Variants in USH1C observed in about 807,000 individuals in gnomAD.
USH1C encodes harmonin.
USH1C carries 90 observed loss-of-function variants against 119.3 expected under a neutral mutation model. The observed-to-expected ratio is 0.75, with a 90% CI of 0.64 to 0.90. The LOEUF is 0.90. Among genes scored for constraint, USH1C ranks in the 40% least tolerant of loss-of-function variants. The probability of loss-of-function intolerance (pLI) is 0.00; values close to 1 mark genes in which losing one functional copy is unlikely to be tolerated. For synonymous variants in USH1C, 465 were observed against 443.3 expected (o/e 1.05, Z -0.62); for missense variants, 1,165 against 1,167.7 (o/e 1.00, Z 0.03).
intron 16 of USH1C, 31 bp downstream of exon 16, chr11:17,511,871 T>C (rs1325289449): frequency 1.2e-6 from 2 of 1,602,352 alleles, no homozygotes. Flanking sequence ...GTCCCAGGGT[T>C]GCTTGCCTGG....
chr11:17,528,581 A>T (rs957240375), intron 4 of USH1C, among the ~76,000 whole-genome samples: 1 of 152,248 alleles, frequency 6.6e-6, no homozygotes, highest in African/African-American at 2.4e-5. Context: ...GTGCTGGCAC[A>T]CGTGAGGGAT....
rs1440977303 is a variant in USH1C at position 17,494,435 on chromosome 11, C to T, written c.2656-59G>A. 5 of 1,547,548 alleles carry T rather than the reference C, an allele frequency of 3.2e-6. No homozygotes were observed. The Admixed American group carries it at 9.6e-5, about 30-fold the overall frequency. ...AGGCTTTGTGGGTGCACACTCAGCC[C>T]AGCCAGAGCAAGGCCCCACAAGGGG... On this transcript the variant is annotated intron_variant, in intron 26 of 26. Coordinates refer to ENST00000005226, the MANE Select transcript of USH1C (RefSeq NM_153676.4).
At position 17,512,024 on chromosome 11, in the gene USH1C, CA is replaced by C; in HGVS notation, c.1290del (p.Tyr430Ter). ...KKGKDKKKAKYGSLQDLRKNK... is the reference protein window; with the variant it reads ...KKGKDKKKAKXGSLQDLRKNK... ...TTCTTTCTCAAGTCCTGCAGGCTGC[CA>C]TACTTGGCTTTCTTCTTATCTTTTC... On this transcript the variant is annotated frameshift_variant, in exon 16 of 27. Coordinates refer to ENST00000005226, the MANE Select transcript of USH1C (RefSeq NM_153676.4). LOFTEE classifies it high-confidence loss of function. 1 of 1,614,210 alleles carries C rather than the reference CA, an allele frequency of 6.2e-7. No homozygotes were observed. The highest frequency in any genetic ancestry group is 8.5e-7 in the Non-Finnish European group (1 of 1,180,038).
chr11:17,511,395 C>T (rs553871906), intron 16 of USH1C, among the ~76,000 whole-genome samples: 5 of 152,160 alleles, frequency 3.3e-5, no homozygotes, highest in East Asian at 3.9e-4. Context: ...GATTCAGACT[C>T]GTAGACAGGT....
At chr11:17,522,672 C>T in intron 12 of USH1C, 112 bp downstream of exon 12, 3 of 1,533,856 alleles carry the variant, frequency 2.0e-6, no homozygotes, top group Non-Finnish European at 2.7e-6. Context: ...GGACTGGCCT[C>T]CAGGGAGGAG....
At chr11:17,502,336 C>G (rs1849479222) in intron 20 of USH1C, among the ~76,000 whole-genome samples, 1 of 152,196 alleles carries the variant, frequency 6.6e-6, no homozygotes, top group Non-Finnish European at 1.5e-5. Flanking sequence ...TTAGGCCCCA[C>G]CTCATCTCTT....
chr11:17,523,134 G>A, intron 11 of USH1C, 77 bp downstream of exon 11: 1 of 1,586,518 alleles, frequency 6.3e-7, no homozygotes, highest in South Asian at 1.1e-5. Flanking sequence ...CACCCTGGGA[G>A]TGTGTGGCAG....
chr11:17,537,423 T>C (rs1409783574), intron 1 of USH1C, among the ~76,000 whole-genome samples: 2 of 152,204 alleles, frequency 1.3e-5, no homozygotes, highest in African/African-American at 2.4e-5. Flanking sequence ...CCCAGAACCA[T>C]GTCATGCACA....
At chr11:17,498,832 A>T (rs1362964367) in intron 23 of USH1C, among the ~76,000 whole-genome samples, 1 of 152,180 alleles carries the variant, frequency 6.6e-6, no homozygotes, top group Non-Finnish European at 1.5e-5. Flanking sequence ...CGTAATCATT[A>T]ATCTGTTTGT....
intron 15 of USH1C, among the ~76,000 whole-genome samples, chr11:17,515,095 C>G (rs1162015684): frequency 2.6e-5 from 4 of 151,590 alleles, no homozygotes; most frequent in Non-Finnish European, 4.4e-5. Context: ...TTTGTCCTCT[C>G]TAGCTGAGTT....
chr11:17,501,278 T>G, intron 22 of USH1C, 128 bp from the exon 23 acceptor site: 1 of 1,042,568 alleles, frequency 9.6e-7, no homozygotes, highest in Non-Finnish European at 1.5e-6. Flanking sequence ...GGCAGTGCCA[T>G]CTGGAGAAAA....
intron 12 of USH1C, among the ~76,000 whole-genome samples, chr11:17,522,330 G>A (rs1850449020): frequency 2.0e-5 from 3 of 152,128 alleles, no homozygotes; most frequent in Admixed American, 6.5e-5. Context: ...GCTTGGCCAC[G>A]TGTGACGTTA....
intron 23 of USH1C, among the ~76,000 whole-genome samples, chr11:17,500,839 G>A (rs1005923890): frequency 4.6e-5 from 7 of 152,282 alleles, no homozygotes; most frequent in South Asian, 2.1e-4. Flanking sequence ...CTGAGGGCAC[G>A]GTGGCATCTG....
At chr11:17,541,757 C>T (rs1215365157) in intron 1 of USH1C, among the ~76,000 whole-genome samples, 1 of 152,218 alleles carries the variant, frequency 6.6e-6, no homozygotes, top group South Asian at 2.1e-4. Flanking sequence ...TGCCTGGAGC[C>T]TGTTGGCTCC....
intron 7 of USH1C, 80 bp from the exon 8 acceptor site, chr11:17,526,521 C>A: frequency 7.6e-7 from 1 of 1,321,984 alleles, no homozygotes; most frequent in South Asian, 1.2e-5. Flanking sequence ...ATCTGCAGGG[C>A]GAGCACTGCT....
At chr11:17,495,714 G>A (rs1372115615) in intron 25 of USH1C, 37 bp from the exon 26 acceptor site, 4 of 1,606,620 alleles carry the variant, frequency 2.5e-6, no homozygotes, top group Non-Finnish European at 3.4e-6. Flanking sequence ...CACAAAACAG[G>A]CTTGGTTACT....
At chr11:17,498,902 G>T (rs1314827156) in intron 23 of USH1C, among the ~76,000 whole-genome samples, 1 of 152,156 alleles carries the variant, frequency 6.6e-6, no homozygotes, top group African/African-American at 2.4e-5. Flanking sequence ...TGTCTTTTTG[G>T]TTCACCATAA....
intron 14 of USH1C, among the ~76,000 whole-genome samples, chr11:17,517,989 C>A (rs1591993843): frequency 6.6e-6 from 1 of 152,194 alleles, no homozygotes; most frequent in African/African-American, 2.4e-5. Flanking sequence ...GGGGTACATG[C>A]AGTTAGGAAG....
Position 17,521,411 on chromosome 11 carries a change from T to C in USH1C, c.1020A>G (p.Gln340=). The C allele has an allele frequency of 6.2e-7, 1 of 1,614,118 alleles. No individual in the cohort carries two copies. The change falls in exon 13 of 27, where the codon CAA becomes CAG. Residue 340 remains glutamine, a splice_region_variant and synonymous_variant. Coordinates refer to ENST00000005226, the MANE Select transcript of USH1C (RefSeq NM_153676.4). The part of the protein sequence containing the change: ...ILQEQQEMER[Q]RRKEIAQKAA... ...CCTTCTGGGCAATTTCTTTTCTCCT[T>C]CTGAAACACAAATGCAGATTGGCAT...
Sources: gnomAD v4.1 joint callset for allele counts (sites outside exome capture counted in the v4.1 genomes callset) on GRCh38, gnomAD v4.1.1 for gene constraint, MANE v1.5 for transcripts, NCBI Gene and HGNC (gene_info 2026-07-23, HGNC 2026-07-21) for gene names.